The following TAF4B variants were observed in gnomAD, a reference collection of about 807,000 sequenced individuals.
TAF4B encodes TATA-box binding protein associated factor 4b.
TAF4B carries 38 observed loss-of-function variants against 86.4 expected under a neutral mutation model. That is an observed-to-expected ratio of 0.44 (90% CI 0.34 to 0.58). TAF4B has a LOEUF of 0.58. Among genes scored for constraint, TAF4B ranks in the 20% least tolerant of loss-of-function variants. The pLI, the probability that TAF4B is intolerant of heterozygous loss-of-function variation, is 0.02. For missense variants in TAF4B, 988 were observed against 1,027.6 expected, an observed-to-expected ratio of 0.96 and a Z score of 0.53; for synonymous variants, 388 against 391.2, an observed-to-expected ratio of 0.99 and a Z score of 0.10.
chr18:26,381,767 A>AAATAAATAAATAAATC (rs1555627191), intron 14 of TAF4B, among the ~76,000 whole-genome samples: 2 of 147,372 alleles, frequency 1.4e-5, no homozygotes, highest in South Asian at 2.1e-4. Context: ...ATAAATAAAT[A>AAATAAATAAATAAATC]AATCCAAACC....
intron 11 of TAF4B, among the ~76,000 whole-genome samples, chr18:26,323,365 A>G (rs1380535159): frequency 6.6e-6 from 1 of 152,078 alleles, no homozygotes; most frequent in Admixed American, 6.6e-5. Flanking sequence ...TTTTAGAGAC[A>G]GGGTCTCACT....
chr18:26,237,741 A>G (rs1420067691), intron 1 of TAF4B, among the ~76,000 whole-genome samples: 1 of 152,158 alleles, frequency 6.6e-6, no homozygotes, highest in African/African-American at 2.4e-5. Context: ...AAACTGCAGG[A>G]TAGTATTGTA....
At chr18:26,254,279 G>A (rs947674816) in intron 1 of TAF4B, among the ~76,000 whole-genome samples, 8 of 151,686 alleles carry the variant, frequency 5.3e-5, no homozygotes, top group African/African-American at 2.4e-5. Flanking sequence ...AGTCATTCTA[G>A]GTAAAGGTTT....
chr18:26,381,158 G>A (rs1369745958), intron 14 of TAF4B, among the ~76,000 whole-genome samples: 1 of 151,816 alleles, frequency 6.6e-6, no homozygotes, highest in Non-Finnish European at 1.5e-5. Flanking sequence ...GGGACCACAG[G>A]CACACACCAC....
In TAF4B at chr18:26,292,337, C is replaced by T. The variant is rs756094297; in HGVS notation, c.1682C>T (p.Thr561Met). The T allele has an allele frequency of 8.7e-6, 14 of 1,614,004 alleles. No homozygotes were observed. The highest frequency in any genetic ancestry group is 2.2e-5 in the East Asian group (1 of 44,894). The change falls in exon 8 of 15, where the codon ACG becomes ATG. Residue 561 changes from threonine to methionine, a missense_variant. Thr to Met is a moderately conservative substitution (Grantham distance 81, BLOSUM62 -1). Around this residue, in one of 3 missense-constraint regions of TAF4B, gnomAD observed 747 missense variants for 737.9 expected, o/e 1.01. Transcript: ENST00000269142. ...TLTIQKCGQK[T>M]MPVNTIIPTS... ...ACCATTCAGAAATGTGGACAGAAGA[C>T]GATGCCAGTGAACACCATAATACCT...
At chr18:26,376,844 T>A (rs995206939) in intron 14 of TAF4B, among the ~76,000 whole-genome samples, 1 of 151,960 alleles carries the variant, frequency 6.6e-6, no homozygotes, top group Non-Finnish European at 1.5e-5. Flanking sequence ...GTTGAGGAGG[T>A]TTCCCTTCTA....
chr18:26,269,232 T>A (rs955855161), intron 3 of TAF4B, among the ~76,000 whole-genome samples: 4 of 152,086 alleles, frequency 2.6e-5, no homozygotes, highest in African/African-American at 9.7e-5. Context: ...CCAGTGAGTG[T>A]TTGTTGTGAG....
intron 13 of TAF4B, among the ~76,000 whole-genome samples, chr18:26,347,879 A>G (rs1159414217): frequency 1.3e-5 from 2 of 152,376 alleles, no homozygotes; most frequent in Non-Finnish European, 2.9e-5. Flanking sequence ...AATTGTGAAT[A>G]TATATGTGTA....
intron 9 of TAF4B, among the ~76,000 whole-genome samples, chr18:26,309,245 A>ATTTTTTTTTTTTTTTTTTTTTTTTTT (rs59457633): frequency 1.2e-5 from 1 of 84,590 alleles, no homozygotes; most frequent in African/African-American, 3.8e-5. Context: ...ACCTGACAGT[A>ATTTTTTTTTTTTTTTTTTTTTTTTTT]TTTTTTTTTT....
At chr18:26,296,604 T>C (rs1297743722) in intron 9 of TAF4B, among the ~76,000 whole-genome samples, 3 of 152,146 alleles carry the variant, frequency 2.0e-5, no homozygotes, top group Non-Finnish European at 2.9e-5. Context: ...GCAGTCATCA[T>C]CATCTTTCAG....
chr18:26,227,309 C>G (rs371578745), intron 1 of TAF4B, 33 bp downstream of exon 1: 3 of 1,590,340 alleles, frequency 1.9e-6, no homozygotes, highest in Non-Finnish European at 1.7e-6. Flanking sequence ...CCTTGTCTGT[C>G]GGTCCAGCTG....
chr18:26,317,749 G>A (rs969774436), intron 10 of TAF4B, among the ~76,000 whole-genome samples: 2 of 152,166 alleles, frequency 1.3e-5, no homozygotes, highest in African/African-American at 4.8e-5. Context: ...TTTTCATGTG[G>A]CAGAAAGATA....
intron 1 of TAF4B, among the ~76,000 whole-genome samples, chr18:26,242,520 G>T (rs2055855680): frequency 6.6e-6 from 1 of 152,120 alleles, no homozygotes; most frequent in African/African-American, 2.4e-5. Context: ...CACACTGATG[G>T]GTCTTGACTC....
At chr18:26,248,727 G>T in intron 1 of TAF4B, among the ~76,000 whole-genome samples, 1 of 63,566 alleles carries the variant, frequency 1.6e-5, no homozygotes. Flanking sequence ...GGATCTCACT[G>T]TTTCCCAGGC....
Position 26,327,096 on chromosome 18 carries a change from A to G in TAF4B, c.2215A>G (p.Arg739Gly). 1 of 1,613,696 alleles carries G rather than the reference A, an allele frequency of 6.2e-7. No individual in the cohort carries two copies. The highest frequency in any genetic ancestry group is 8.5e-7 in the Non-Finnish European group (1 of 1,179,888). Residue 739 changes from arginine to glycine, a missense_variant, in exon 12 of 15, where the codon AGA (arginine) becomes GGA (glycine). Around this residue, in one of 3 missense-constraint regions of TAF4B, gnomAD observed 216 missense variants for 238.4 expected, o/e 0.91. Transcript: ENST00000269142. ...LEKLDQLEKQ[R>G]KDLEEREMLL... ...AAAGCTGGATCAATTGGAGAAGCAG[A>G]GAAAGGATTTGGAAGAAAGAGAAAT...
chr18:26,335,119 A>C, intron 12 of TAF4B, 56 bp from the exon 13 acceptor site: 2 of 1,218,314 alleles, frequency 1.6e-6, no homozygotes, highest in Non-Finnish European at 2.4e-6. Context: ...ATTTAATGGC[A>C]ACTATGGTGT....
At position 26,321,421 on chromosome 18, in the gene TAF4B, G is replaced by A. The variant is rs188618498; in HGVS notation, c.2133+221G>A. ...AAAAGCTTCTGTGTCACTGTAGATTGAAATATGTATCTGTTCTGCATGAGG... is the reference window on the plus strand; with the variant it reads ...AAAAGCTTCTGTGTCACTGTAGATTAAAATATGTATCTGTTCTGCATGAGG... On this transcript the variant is annotated intron_variant, in intron 11 of 14. Coordinates refer to ENST00000269142, the MANE Select transcript of TAF4B (RefSeq NM_005640.3). 4.6e-5 allele frequency among the ~76,000 whole-genome samples: 7 copies of A among 152,232 alleles called. No individual in the cohort carries two copies. The East Asian group carries it at 7.7e-4, about 17-fold the overall frequency.
At chr18:26,332,616 G>A (rs967042845) in intron 12 of TAF4B, among the ~76,000 whole-genome samples, 1 of 152,006 alleles carries the variant, frequency 6.6e-6, no homozygotes, top group Admixed American at 6.6e-5. Context: ...TGCAACTTCC[G>A]CCTCCCAAGT....
In TAF4B at chr18:26,286,331, T is replaced by G. The variant is rs1483328772; in HGVS notation, c.1422T>G (p.Thr474=). ...LSLPAVTFGE[T]SGAAICLPSV... is the part of the protein sequence containing the mutation. ...TTCCAGCAGTAACTTTTGGAGAAAC[T>G]TCAGGTGCAGCTATTTGTCTTCCAT... The change falls in exon 7 of 15, where the codon ACT becomes ACG. Residue 474 remains threonine (T), a synonymous_variant. Transcript: ENST00000269142. 7 of 1,614,118 alleles carry G rather than the reference T, an allele frequency of 4.3e-6. No individual in the cohort carries two copies. The highest frequency in any genetic ancestry group is 5.9e-6 in the Non-Finnish European group (7 of 1,180,046).
Sources: gnomAD v4.1 joint callset for allele counts (sites outside exome capture counted in the v4.1 genomes callset) on GRCh38, gnomAD v4.1.1 for gene constraint, gnomAD v4.1.1 regional missense constraint, MANE v1.5 for transcripts, NCBI Gene and HGNC (gene_info 2026-07-23, HGNC 2026-07-21) for gene names.